The following NRF1 variants were observed in gnomAD, a reference collection of about 807,000 sequenced individuals.
The protein encoded by NRF1 is nuclear respiratory factor 1.
A neutral mutation model predicts 58.5 loss-of-function variants in NRF1; 5 were observed. That is an observed-to-expected ratio of 0.09 (90% CI 0.04 to 0.18). NRF1 has a LOEUF of 0.18. Ranked by LOEUF, NRF1 falls within the 10% of genes least tolerant of loss-of-function variation. NRF1 has a pLI of 1.00. For missense variants in NRF1, 288 were observed against 657.7 expected (o/e 0.44, Z 6.15); for synonymous variants, 224 against 246.7 (o/e 0.91, Z 0.86).
At chr7:129,743,872 TA>T (rs1360244792) in intron 10 of NRF1, among the ~76,000 whole-genome samples, 1 of 152,170 alleles carries the variant, frequency 6.6e-6, no homozygotes, top group Admixed American at 6.5e-5. Flanking sequence ...AAAGAAGACA[TA>T]ATTAGGAAGG....
At position 129,617,987 on chromosome 7, in the gene NRF1, C is replaced by T. The variant is rs557392943; in HGVS notation, c.-7+6163C>T. ...GTAATTCCATGCTCATGAGTGTGAA[C>T]TTTATTCTATAGGCATTTAGGGACC... On this transcript the variant is annotated intron_variant, in intron 1 of 10. Transcript: ENST00000393232. 2.0e-5 allele frequency among the ~76,000 whole-genome samples: 3 copies of T among 152,240 alleles called. No individual in the cohort carries two copies. The South Asian group carries it at 6.2e-4, about 32-fold the overall frequency.
At chr7:129,679,432 T>TA (rs573938585) in intron 4 of NRF1, among the ~76,000 whole-genome samples, 11 of 152,276 alleles carry the variant, frequency 7.2e-5, no homozygotes, top group East Asian at 1.9e-4. Flanking sequence ...ATATGTCTGA[T>TA]AAAAAAACTG....
At chr7:129,717,463 CTGTT>C (rs1281922770) in intron 9 of NRF1, 87 bp downstream of exon 9, 2 of 1,397,706 alleles carry the variant, frequency 1.4e-6, no homozygotes, top group Non-Finnish European at 9.6e-7. Context: ...AAATGTGTCT[CTGTT>C]TGCCACAGTT....
intron 1 of NRF1, among the ~76,000 whole-genome samples, chr7:129,655,350 G>A (rs1801627260): frequency 6.6e-6 from 1 of 151,578 alleles, no homozygotes; most frequent in Admixed American, 6.6e-5. Context: ...TGATTATTTT[G>A]GATTTTCTAC....
rs146079330 is a variant in NRF1, at chr7:129,711,483, G to T, written c.972G>T (p.Thr324=). The T allele has an allele frequency of 1.4e-5, 22 of 1,610,426 alleles. No homozygotes were observed. The African/African-American group carries it at 2.3e-4, about 17-fold the overall frequency. Residue 324 remains threonine (T), a synonymous_variant, in exon 8 of 11, where the codon ACG becomes ACT. Transcript: ENST00000393232. ...DGTVSLIQVG[T]GATVATLADA... ...TCCATATTTTTCTTTAGGTTGGTAC[G>T]GGGGCAACAGTAGCCACATTGGCTG...
chr7:129,728,484 A>C (rs1307802622), intron 10 of NRF1, among the ~76,000 whole-genome samples: 1 of 74,560 alleles, frequency 1.3e-5, no homozygotes, highest in African/African-American at 5.1e-5. Flanking sequence ...AAAAAAAAAA[A>C]AAAAAAAAAA....
chr7:129,747,845 C>G (rs1804016012), intron 10 of NRF1, among the ~76,000 whole-genome samples: 1 of 152,138 alleles, frequency 6.6e-6, no homozygotes, highest in Non-Finnish European at 1.5e-5. Flanking sequence ...GGTGTTAAGG[C>G]TGTTTGGTCT....
chr7:129,711,663 C>A, intron 8 of NRF1, 87 bp downstream of exon 8: 2 of 1,012,046 alleles, frequency 2.0e-6, no homozygotes, highest in Non-Finnish European at 3.0e-6. Context: ...GAGTAGCCTG[C>A]ATGTCTGCGG....
chr7:129,702,282 G>A (rs1259394574), intron 5 of NRF1, among the ~76,000 whole-genome samples: 1 of 152,208 alleles, frequency 6.6e-6, no homozygotes, highest in East Asian at 1.9e-4. Flanking sequence ...AGTTTGATAG[G>A]TTGGGGGTGC....
At chr7:129,672,510 G>A (rs1489334412) in intron 3 of NRF1, among the ~76,000 whole-genome samples, 2 of 152,128 alleles carry the variant, frequency 1.3e-5, no homozygotes, top group South Asian at 2.1e-4. Flanking sequence ...GAATCAGGGA[G>A]ACCAATTAGG....
chr7:129,671,084 G>A (rs1182822396), intron 2 of NRF1, among the ~76,000 whole-genome samples: 1 of 152,174 alleles, frequency 6.6e-6, no homozygotes, highest in Non-Finnish European at 1.5e-5. Flanking sequence ...TCCTCTCAGT[G>A]CTACAATTTT....
intron 5 of NRF1, among the ~76,000 whole-genome samples, chr7:129,708,339 G>A (rs1265209129): frequency 6.6e-6 from 1 of 152,156 alleles, no homozygotes; most frequent in Admixed American, 6.5e-5. Flanking sequence ...TTGTCTTTGT[G>A]GTTTAAAACC....
intron 5 of NRF1, among the ~76,000 whole-genome samples, chr7:129,707,439 A>G (rs552979158): frequency 2.4e-4 from 36 of 152,346 alleles, no homozygotes; most frequent in Admixed American, 6.5e-4. Flanking sequence ...AGTCTATATC[A>G]ATTTAATCTA....
intron 2 of NRF1, among the ~76,000 whole-genome samples, chr7:129,657,973 G>A (rs891426584): frequency 3.3e-5 from 5 of 151,974 alleles, no homozygotes; most frequent in African/African-American, 1.2e-4. Flanking sequence ...TGAGACTTGA[G>A]GTCTGTAATC....
chr7:129,696,757 G>C (rs1315256226), intron 5 of NRF1, among the ~76,000 whole-genome samples: 1 of 152,104 alleles, frequency 6.6e-6, no homozygotes, highest in Non-Finnish European at 1.5e-5. Flanking sequence ...GATACATTCT[G>C]AATCATCTAA....
At chr7:129,621,493 G>C (rs917698578) in intron 1 of NRF1, among the ~76,000 whole-genome samples, 1 of 151,964 alleles carries the variant, frequency 6.6e-6, no homozygotes, top group African/African-American at 2.4e-5. Flanking sequence ...AACTTTTTTT[G>C]GTTCTTTCTT....
At chr7:129,708,985 T>G in intron 5 of NRF1, 90 bp from the exon 6 acceptor site, 5 of 1,141,102 alleles carry the variant, frequency 4.4e-6, no homozygotes, top group Non-Finnish European at 5.8e-6. Context: ...CCTGGAAACC[T>G]CTCTGTTTTA....
At chr7:129,644,037 TG>T (rs1481199976) in intron 1 of NRF1, among the ~76,000 whole-genome samples, 3 of 152,228 alleles carry the variant, frequency 2.0e-5, no homozygotes, top group African/African-American at 7.2e-5. Context: ...AGCTTCTGAC[TG>T]TAGACTCTGT....
In NRF1 at chr7:129,690,487, T is replaced by G; in HGVS notation, c.547T>G (p.Ser183Ala). The change falls in exon 5 of 11, where the codon TCA becomes GCA. Residue 183 changes from serine to alanine, a missense_variant. By Grantham distance (99) the Ser-to-Ala change is moderately conservative (BLOSUM62 1). Around this residue, in one of 3 missense-constraint regions of NRF1, gnomAD observed 212 missense variants for 559.7 expected, o/e 0.38. Transcript: ENST00000393232. ...EHAPAPQEVN[S>A]ELPPLTIDGI... ...CGCCCCTGCGCCACAGGAGGTTAACTCAGAACTGCCGCCTCTCACCATCGA... is the reference window on the plus strand; with the variant it reads ...CGCCCCTGCGCCACAGGAGGTTAACGCAGAACTGCCGCCTCTCACCATCGA... 4 of 1,614,130 alleles carry G rather than the reference T, an allele frequency of 2.5e-6. No individual in the cohort carries two copies. The highest frequency in any genetic ancestry group is 2.5e-6 in the Non-Finnish European group (3 of 1,180,026).
Sources: allele counts gnomAD v4.1 joint callset (sites outside exome capture counted in the v4.1 genomes callset), GRCh38; gene constraint gnomAD v4.1.1; regional missense constraint gnomAD v4.1.1; transcripts MANE v1.5; gene names NCBI Gene and HGNC (gene_info 2026-07-23, HGNC 2026-07-21).